Variants in OPHN1 observed in about 807,000 individuals in gnomAD.
OPHN1 encodes oligophrenin-1.
OPHN1 carries 11 observed loss-of-function variants against 60.7 expected under a neutral mutation model. The ratio of observed to expected loss-of-function variants is 0.18; its 90% CI spans 0.11 to 0.30. The LOEUF is 0.30. OPHN1 is among the 10% of genes least tolerant of loss of function. The pLI, the probability that OPHN1 is intolerant of heterozygous loss-of-function variation, is 1.00. For missense variants in OPHN1, 449 were observed against 611.0 expected (o/e 0.73, Z 2.80); for synonymous variants, 226 against 222.6 (o/e 1.02, Z -0.14).
intron 15 of OPHN1, among the ~76,000 whole-genome samples, chrX:68,187,090 A>T (rs1372128385): frequency 6.2e-5 from 7 of 112,167 alleles, no homozygotes; most frequent in Non-Finnish European, 3.8e-5. Context: ...CTTACCACAG[A>T]TTCCAAAAAG....
chrX:68,314,239 G>A (rs1004603286), intron 2 of OPHN1, among the ~76,000 whole-genome samples: 2 of 110,756 alleles, frequency 1.8e-5, no homozygotes, highest in Admixed American at 9.6e-5. Flanking sequence ...CCTCCCAACC[G>A]GGCCAGGCAC....
intron 6 of OPHN1, among the ~76,000 whole-genome samples, chrX:68,222,784 G>C (rs1366249405): frequency 1.4e-5 from 1 of 71,661 alleles, no homozygotes; most frequent in South Asian, 1.1e-3. Flanking sequence ...GTTGTGGGGT[G>C]GGGGGAGGGG....
chrX:68,269,199 G>T (rs2077951829), intron 5 of OPHN1, among the ~76,000 whole-genome samples: 1 of 111,611 alleles, frequency 9.0e-6, no homozygotes, highest in African/African-American at 3.3e-5. Context: ...TCTCCATCAA[G>T]CTACCAAAGA....
intron 15 of OPHN1, among the ~76,000 whole-genome samples, chrX:68,140,363 A>C (rs911205115): frequency 6.2e-5 from 7 of 112,259 alleles, no homozygotes; most frequent in Non-Finnish European, 1.9e-5. Flanking sequence ...AAGAGTCTAT[A>C]ATCAGAAAAG....
intron 2 of OPHN1, among the ~76,000 whole-genome samples, chrX:68,340,555 G>A (rs924834268): frequency 1.8e-5 from 2 of 111,753 alleles, no homozygotes; most frequent in Non-Finnish European, 3.8e-5. Flanking sequence ...AAGTTAACCC[G>A]AAATGGTTGA....
intron 2 of OPHN1, among the ~76,000 whole-genome samples, chrX:68,340,426 T>C (rs2078345653): frequency 8.9e-6 from 1 of 112,061 alleles, no homozygotes; most frequent in African/African-American, 3.2e-5. Flanking sequence ...GGTCAATTTA[T>C]TTTCAAAAAA....
intron 19 of OPHN1, among the ~76,000 whole-genome samples, chrX:68,094,463 G>T (rs1456721694): frequency 1.8e-5 from 2 of 111,577 alleles, no homozygotes; most frequent in African/African-American, 6.5e-5. Context: ...AAAAGCTCTT[G>T]CTGGGATTTT....
chrX:68,095,872 T>G (rs759058576), intron 19 of OPHN1, among the ~76,000 whole-genome samples: 9 of 112,119 alleles, frequency 8.0e-5, no homozygotes, highest in Non-Finnish European at 1.5e-4. Context: ...GGCATCATTT[T>G]CTGACTCTAC....
chrX:68,108,895 A>G (rs907459564), intron 18 of OPHN1, among the ~76,000 whole-genome samples: 1 of 111,595 alleles, frequency 9.0e-6, no homozygotes, highest in East Asian at 2.8e-4. Flanking sequence ...GTATATAAGG[A>G]GGTATACTTA....
At chrX:68,224,859 A>C (rs1352922702) in intron 6 of OPHN1, among the ~76,000 whole-genome samples, 1 of 112,572 alleles carries the variant, frequency 8.9e-6, no homozygotes, top group Non-Finnish European at 1.9e-5. Context: ...TACTGAGTTC[A>C]TCTCACTGCG....
intron 2 of OPHN1, among the ~76,000 whole-genome samples, chrX:68,366,414 G>C (rs2078499309): frequency 9.0e-6 from 1 of 110,705 alleles, no homozygotes; most frequent in Non-Finnish European, 1.9e-5. Flanking sequence ...CTGCAGCTTT[G>C]ACCTCCCAGG....
At chrX:68,050,094 C>T (rs776638869) in intron 23 of OPHN1, among the ~76,000 whole-genome samples, 9 of 111,772 alleles carry the variant, frequency 8.1e-5, no homozygotes, top group African/African-American at 2.6e-4. Flanking sequence ...TGACCATAGA[C>T]GGGACTGACT....
chrX:68,098,641 G>A (rs2077046540), intron 18 of OPHN1, among the ~76,000 whole-genome samples: 1 of 111,999 alleles, frequency 8.9e-6, no homozygotes, highest in South Asian at 3.7e-4. Flanking sequence ...TGCTGGGCTG[G>A]TGATGTGTTC....
chrX:68,234,664 A>G, intron 5 of OPHN1, 76 bp from the exon 6 acceptor site: 1 of 803,213 alleles, frequency 1.2e-6, no homozygotes, highest in Non-Finnish European at 1.9e-6. Flanking sequence ...AGAATGAAGG[A>G]GATAGTGTCA....
intron 20 of OPHN1, among the ~76,000 whole-genome samples, chrX:68,066,751 C>T (rs766597570): frequency 1.3e-3 from 150 of 111,932 alleles, no homozygotes; most frequent in Middle Eastern, 4.6e-3. Flanking sequence ...GAATCTAAGA[C>T]ACCCGCAGTC....
chrX:68,383,123 A>T, intron 2 of OPHN1, among the ~76,000 whole-genome samples: 1 of 110,728 alleles, frequency 9.0e-6, no homozygotes, highest in East Asian at 2.8e-4. Context: ...AGAGTTCAAG[A>T]CCAGCCTGGA....
chrX:68,267,990 G>T (rs1453659608), intron 5 of OPHN1, among the ~76,000 whole-genome samples: 2 of 111,872 alleles, frequency 1.8e-5, no homozygotes, highest in African/African-American at 6.5e-5. Flanking sequence ...CCAGGAAGGA[G>T]TTGAATCTCT....
chrX:68,193,624 A>G (rs1225915012), intron 14 of OPHN1, among the ~76,000 whole-genome samples: 1 of 111,839 alleles, frequency 8.9e-6, no homozygotes, highest in African/African-American at 3.3e-5. Context: ...TTTAGGATAG[A>G]ACCATCATGA....
intron 15 of OPHN1, among the ~76,000 whole-genome samples, chrX:68,130,615 T>C (rs1403995140): frequency 9.0e-6 from 1 of 111,616 alleles, no homozygotes; most frequent in Non-Finnish European, 1.9e-5. Context: ...ATGGTGACTA[T>C]GTAAATCAAA....
Sources: gnomAD v4.1 joint callset for allele counts (sites outside exome capture counted in the v4.1 genomes callset) on GRCh38, gnomAD v4.1.1 for gene constraint, MANE v1.5 for transcripts, NCBI Gene and HGNC (gene_info 2026-07-23, HGNC 2026-07-21) for gene names.